The following SPATA17 variants were observed in gnomAD, a reference collection of about 807,000 sequenced individuals.
The protein encoded by SPATA17 is spermatogenesis-associated protein 17.
SPATA17 carries 53 observed loss-of-function variants against 62.2 expected under a neutral mutation model. The ratio of observed to expected loss-of-function variants is 0.85; its 90% CI spans 0.68 to 1.07. The LOEUF (loss-of-function observed/expected upper bound fraction) is 1.07, where lower values mean the gene tolerates loss of function less well. Among genes scored for constraint, SPATA17 ranks in the 50% least tolerant of loss-of-function variants. SPATA17 has a pLI of 0.00. For synonymous variants in SPATA17, 146 were observed against 146.8 expected, an observed-to-expected ratio of 0.99 and a Z score of 0.04; for missense variants, 466 against 425.5, an observed-to-expected ratio of 1.10 and a Z score of -0.84.
At chr1:217,694,657 T>C (rs1441101504) in intron 5 of SPATA17, among the ~76,000 whole-genome samples, 2 of 150,670 alleles carry the variant, frequency 1.3e-5, no homozygotes, top group African/African-American at 4.9e-5. Context: ...TGTTTAGCGC[T>C]TCCTTCAGGA....
intron 3 of SPATA17, among the ~76,000 whole-genome samples, chr1:217,662,591 A>G (rs1438843559): frequency 1.3e-5 from 2 of 152,170 alleles, no homozygotes; most frequent in African/African-American, 4.8e-5. Flanking sequence ...TATTTAAAAG[A>G]GGAACAATGA....
chr1:217,855,144 C>T (rs1049818894), intron 9 of SPATA17, among the ~76,000 whole-genome samples: 1 of 152,184 alleles, frequency 6.6e-6, no homozygotes, highest in Non-Finnish European at 1.5e-5. Flanking sequence ...TTCCCCATTT[C>T]ATTTGGTTCT....
At chr1:217,748,131 G>A (rs952224641) in intron 6 of SPATA17, among the ~76,000 whole-genome samples, 1 of 151,624 alleles carries the variant, frequency 6.6e-6, no homozygotes, top group South Asian at 2.1e-4. Context: ...GTGAAACCCC[G>A]TCTCTACAAA....
At chr1:217,717,020 G>A (rs1672019459) in intron 5 of SPATA17, among the ~76,000 whole-genome samples, 1 of 152,162 alleles carries the variant, frequency 6.6e-6, no homozygotes, top group Non-Finnish European at 1.5e-5. Context: ...CTTTTTTAAA[G>A]CCAGACCACA....
intron 5 of SPATA17, among the ~76,000 whole-genome samples, chr1:217,719,255 C>T (rs1672071658): frequency 6.6e-6 from 1 of 152,186 alleles, no homozygotes; most frequent in Non-Finnish European, 1.5e-5. Context: ...TTCACTATAC[C>T]CGTGTAGCAG....
chr1:217,658,374 T>C (rs1670487243), intron 3 of SPATA17, among the ~76,000 whole-genome samples: 1 of 152,128 alleles, frequency 6.6e-6, no homozygotes, highest in African/African-American at 2.4e-5. Flanking sequence ...CCTTCCACCA[T>C]GAGTAAAAGC....
chr1:217,721,350 T>G (rs1672122760), intron 5 of SPATA17, among the ~76,000 whole-genome samples: 1 of 152,168 alleles, frequency 6.6e-6, no homozygotes, highest in Admixed American at 6.5e-5. Context: ...GAACCCTGAC[T>G]TATATGTAGG....
intron 7 of SPATA17, among the ~76,000 whole-genome samples, chr1:217,776,219 G>A (rs1474818244): frequency 6.6e-6 from 1 of 152,084 alleles, no homozygotes; most frequent in Non-Finnish European, 1.5e-5. Context: ...AGAGTGGGGT[G>A]GGGTGAATGA....
At position 217,639,443 on chromosome 1, in the gene SPATA17, C is replaced by T. The variant is rs1477180419; in HGVS notation, c.68+7997C>T. On this transcript the variant is annotated intron_variant, in intron 1 of 10. Transcript: ENST00000366933. ...GAAATGTACTCAAGAAAGTACTTGC[C>T]GTAATCAAGTAAAAATTAAATTGGA... Among the ~76,000 whole-genome samples, 6 of 151,536 alleles carry T rather than the reference C, an allele frequency of 4.0e-5. No individual in the cohort carries two copies. In the East Asian group the frequency reaches 9.8e-4, roughly 25 times the overall value.
intron 4 of SPATA17, among the ~76,000 whole-genome samples, chr1:217,681,098 G>A (rs1671073967): frequency 6.6e-6 from 1 of 151,094 alleles, no homozygotes; most frequent in Non-Finnish European, 1.5e-5. Flanking sequence ...GTGGTGGCAT[G>A]TGTCTGTTAT....
chr1:217,663,531 T>C (rs1341227698), intron 3 of SPATA17, among the ~76,000 whole-genome samples: 1 of 152,044 alleles, frequency 6.6e-6, no homozygotes, highest in African/African-American at 2.4e-5. Flanking sequence ...AAAATACTCA[T>C]AATTACTTGA....
intron 9 of SPATA17, among the ~76,000 whole-genome samples, chr1:217,848,271 C>T (rs1287707756): frequency 2.0e-5 from 3 of 152,160 alleles, no homozygotes; most frequent in South Asian, 2.1e-4. Context: ...GAGGCCACCA[C>T]TTTCAGCTCT....
At chr1:217,686,943 T>C (rs1671230322) in intron 5 of SPATA17, among the ~76,000 whole-genome samples, 1 of 152,228 alleles carries the variant, frequency 6.6e-6, no homozygotes, top group Non-Finnish European at 1.5e-5. Flanking sequence ...GGTCTTGAAC[T>C]CCTGACCTCA....
At chr1:217,761,023 G>A (rs1287649997) in intron 6 of SPATA17, among the ~76,000 whole-genome samples, 2 of 152,074 alleles carry the variant, frequency 1.3e-5, no homozygotes, top group Non-Finnish European at 2.9e-5. Flanking sequence ...GGTGCATAAG[G>A]GAGTCATAGT....
At chr1:217,864,537 G>A (rs959578501) in intron 10 of SPATA17, among the ~76,000 whole-genome samples, 6 of 151,950 alleles carry the variant, frequency 3.9e-5, no homozygotes, top group African/African-American at 1.5e-4. Context: ...ATATACATGT[G>A]TGTATGTATA....
At position 217,712,131 on chromosome 1, in the gene SPATA17, TTG is replaced by T. The variant is rs1491056763; in HGVS notation, c.395+28772_395+28773del. ...CCCTTAAGTTCTACAATATGTTCTT[TTG>T]TTTTTTTTTTTTTACGGAGTTTCGC... On this transcript the variant is annotated intron_variant, in intron 5 of 10. Transcript: ENST00000366933. Among the ~76,000 whole-genome samples the T allele has an allele frequency of 2.0e-3, 287 of 147,176 alleles. 14 individuals are homozygous for T. Among genetic ancestry groups the T allele is most frequent in the African/African-American group, 6.5e-3 (256 of 39,146 alleles).
chr1:217,725,988 T>C (rs1192657868), intron 5 of SPATA17, among the ~76,000 whole-genome samples: 3 of 152,208 alleles, frequency 2.0e-5, no homozygotes, highest in Non-Finnish European at 4.4e-5. Flanking sequence ...TAATGATATA[T>C]TTTCTTTCAT....
intron 6 of SPATA17, among the ~76,000 whole-genome samples, chr1:217,769,327 T>A (rs74144416): frequency 1.3e-5 from 2 of 152,212 alleles, no homozygotes; most frequent in Non-Finnish European, 2.9e-5. Flanking sequence ...AATTTTCCAA[T>A]AGATCTGCTT....
chr1:217,793,960 C>CA (rs1323670744), intron 8 of SPATA17, among the ~76,000 whole-genome samples: 1 of 151,606 alleles, frequency 6.6e-6, no homozygotes, highest in Non-Finnish European at 1.5e-5. Flanking sequence ...CTAAAAAACG[C>CA]AAAAAATTAG....
Sources: gnomAD v4.1 joint callset for allele counts (sites outside exome capture counted in the v4.1 genomes callset) on GRCh38, gnomAD v4.1.1 for gene constraint, MANE v1.5 for transcripts, NCBI Gene and HGNC (gene_info 2026-07-23, HGNC 2026-07-21) for gene names.